Variants in AKAP13 observed in about 807,000 individuals in gnomAD.
AKAP13 encodes the protein A-kinase anchoring protein 13.
In AKAP13, 80 loss-of-function variants were observed where a neutral mutation model predicts 264.5. That is an observed-to-expected ratio of 0.30 (90% CI 0.25 to 0.36). The LOEUF is 0.36. AKAP13 is among the 10% of genes least tolerant of loss of function. AKAP13 has a pLI of 1.00. For missense variants in AKAP13, 3,712 were observed against 3,435.2 expected, an observed-to-expected ratio of 1.08 and a Z score of -2.01; for synonymous variants, 1,380 against 1,250.2, an observed-to-expected ratio of 1.10 and a Z score of -2.19.
intron 14 of AKAP13, among the ~76,000 whole-genome samples, chr15:85,673,653 C>T (rs576443217): frequency 4.2e-5 from 6 of 141,916 alleles, no homozygotes; most frequent in African/African-American, 1.6e-4. Flanking sequence ...ACAGATGATC[C>T]CTTTCTTTCT....
chr15:85,577,442 A>G (rs905794410), intron 6 of AKAP13, among the ~76,000 whole-genome samples: 1 of 152,282 alleles, frequency 6.6e-6, no homozygotes, highest in East Asian at 1.9e-4. Context: ...GATCACCTGT[A>G]TTTGTTTTTC....
chr15:85,567,460 T>G (rs1228659130), intron 5 of AKAP13, among the ~76,000 whole-genome samples: 3 of 152,198 alleles, frequency 2.0e-5, no homozygotes, highest in Non-Finnish European at 4.4e-5. Context: ...ACTGTAGGCT[T>G]TTAGTATAAC....
intron 2 of AKAP13, among the ~76,000 whole-genome samples, chr15:85,498,740 A>G (rs1187570736): frequency 1.3e-5 from 2 of 152,102 alleles, no homozygotes; most frequent in African/African-American, 4.8e-5. Flanking sequence ...ACCTGGAATG[A>G]CTGCCATCTG....
intron 5 of AKAP13, among the ~76,000 whole-genome samples, chr15:85,544,478 A>G (rs551056758): frequency 6.6e-6 from 1 of 152,224 alleles, no homozygotes; most frequent in African/African-American, 2.4e-5. Flanking sequence ...TGGTTTCTTC[A>G]TATGAACAGC....
rs1597241909 is a variant in AKAP13, at chr15:85,741,019, C to T, written c.7609-27C>T. On this transcript the variant is annotated intron_variant, in intron 34 of 36. Coordinates refer to ENST00000394518, the MANE Select transcript of AKAP13 (RefSeq NM_007200.5). The stretch of plus-strand genomic sequence containing the variant: ...CTCGCTGTCGTCCTGGCCAGAGTTG[C>T]AGGGCTCCCCTCTGTGTGCCTCCCA... 3.2e-6 allele frequency: 5 copies of T among 1,578,576 alleles called. No homozygotes were observed. The South Asian group carries it at 3.5e-5, about 11-fold the overall frequency.
chr15:85,413,655 C>T (rs1004350826), intron 1 of AKAP13, among the ~76,000 whole-genome samples: 1 of 152,164 alleles, frequency 6.6e-6, no homozygotes, highest in African/African-American at 2.4e-5. Flanking sequence ...AGGCACCCTG[C>T]ACAGGAACAT....
At position 85,664,782 on chromosome 15, in the gene AKAP13, A is replaced by C. The variant is rs758224891; in HGVS notation, c.4992+27A>C. On this transcript the variant is annotated intron_variant, in intron 13 of 36. Transcript: ENST00000394518. ...TAAGTCTTAAATATGTCTAATTTGG[A>C]AAAAATATATTTCACAAAATATGAA... The C allele has an allele frequency of 1.6e-5, 26 of 1,590,822 alleles. No individual in the cohort carries two copies. The Middle Eastern group carries it at 6.8e-4, about 41-fold the overall frequency.
In AKAP13 at chr15:85,655,450, G is replaced by A. The variant is rs755335557; in HGVS notation, c.4408G>A (p.Gly1470Arg). Residue 1470 changes from glycine (G) to arginine (R), a missense_variant, in exon 11 of 37, where the codon GGA (glycine) becomes AGA (arginine). Transcript: ENST00000394518. The part of the protein sequence containing the change: ...EEEHLACDIT[G>R]SSSSTDDTAS... ...AGAGCATTTGGCCTGTGATATCACC[G>A]GATCCAGTTCATCCACCGATGACAC... The A allele has an allele frequency of 4.3e-5, 70 of 1,613,972 alleles. 1 individual carries two copies. The highest frequency in any genetic ancestry group is 3.0e-4 in the Admixed American group (18 of 60,000).
chr15:85,652,010 C>A (rs1596907792), intron 10 of AKAP13, among the ~76,000 whole-genome samples: 1 of 152,304 alleles, frequency 6.6e-6, no homozygotes, highest in East Asian at 1.9e-4. Context: ...ATAGTAAGAG[C>A]TGCATACTGC....
intron 14 of AKAP13, among the ~76,000 whole-genome samples, chr15:85,678,771 A>C (rs2084401237): frequency 6.6e-6 from 1 of 152,114 alleles, no homozygotes; most frequent in African/African-American, 2.4e-5. Flanking sequence ...TGGGAGGCTG[A>C]GGCAGGAGAA....
At chr15:85,613,593 A>C (rs955232681) in intron 8 of AKAP13, among the ~76,000 whole-genome samples, 1 of 150,892 alleles carries the variant, frequency 6.6e-6, no homozygotes, top group Admixed American at 6.6e-5. Context: ...AGGCAGGAGA[A>C]TGGCATGAAC....
At chr15:85,427,007 G>A (rs1239496621) in intron 1 of AKAP13, among the ~76,000 whole-genome samples, 13 of 146,862 alleles carry the variant, frequency 8.9e-5, no homozygotes, top group African/African-American at 3.1e-4. Flanking sequence ...CGGGGCTGGA[G>A]TGCAGTGGCG....
chr15:85,634,794 A>G (rs2082003934), intron 8 of AKAP13, among the ~76,000 whole-genome samples: 3 of 148,446 alleles, frequency 2.0e-5, no homozygotes, highest in Admixed American at 2.0e-4. Context: ...CCTTTTCTAG[A>G]TATTGCATGG....
At chr15:85,391,075 G>C (rs1443634024) in intron 1 of AKAP13, among the ~76,000 whole-genome samples, 2 of 152,160 alleles carry the variant, frequency 1.3e-5, no homozygotes, top group South Asian at 4.1e-4. Context: ...CTCCATAATA[G>C]GGGCTCATGG....
chr15:85,700,189 C>T (rs750204919), intron 17 of AKAP13, among the ~76,000 whole-genome samples: 3 of 152,200 alleles, frequency 2.0e-5, no homozygotes, highest in African/African-American at 7.2e-5. Context: ...GACTATCACT[C>T]AGAATTAAAC....
chr15:85,455,746 C>T (rs2074261027), intron 1 of AKAP13, among the ~76,000 whole-genome samples: 1 of 152,074 alleles, frequency 6.6e-6, no homozygotes, highest in Non-Finnish European at 1.5e-5. Context: ...CACAGTCCAT[C>T]CCTTTAACAA....
intron 5 of AKAP13, among the ~76,000 whole-genome samples, chr15:85,567,941 G>GGTGTGTGTGTGTGTGTGTGTGT (rs57049395): frequency 1.4e-5 from 2 of 141,828 alleles, no homozygotes; most frequent in African/African-American, 2.6e-5. Context: ...AGCCCAAAGA[G>GGTGTGTGTGTGTGTGTGTGTGT]GTGTGTGTGT....
At chr15:85,503,364 T>A (rs1373110690) in intron 2 of AKAP13, among the ~76,000 whole-genome samples, 4 of 152,220 alleles carry the variant, frequency 2.6e-5, no homozygotes, top group African/African-American at 9.6e-5. Flanking sequence ...AGTCACGTGA[T>A]TTCAAAGCCT....
chr15:85,625,171 C>A (rs1356600699), intron 8 of AKAP13, among the ~76,000 whole-genome samples: 1 of 152,174 alleles, frequency 6.6e-6, no homozygotes, highest in African/African-American at 2.4e-5. Flanking sequence ...ACATTTCCAG[C>A]TACTTGCTTC....
Sources: allele counts gnomAD v4.1 joint callset (sites outside exome capture counted in the v4.1 genomes callset), GRCh38; gene constraint gnomAD v4.1.1; transcripts MANE v1.5; gene names NCBI Gene and HGNC (gene_info 2026-07-23, HGNC 2026-07-21).